The following DLG2 variants were observed in gnomAD, a reference collection of about 807,000 sequenced individuals.
DLG2 encodes discs large MAGUK scaffold protein 2, also known as disks large homolog 2.
DLG2 carries 45 observed loss-of-function variants against 132.5 expected under a neutral mutation model. That is an observed-to-expected ratio of 0.34 (90% confidence interval 0.27 to 0.44). The LOEUF is 0.44. Ranked by LOEUF, DLG2 falls within the 20% of genes least tolerant of loss-of-function variation. The pLI is 1.00. For synonymous variants in DLG2, 424 were observed against 419.6 expected (o/e 1.01, Z -0.13); for missense variants, 1,045 against 1,196.9 (o/e 0.87, Z 1.87).
At chr11:84,265,706 G>C (rs1239141924) in intron 7 of DLG2, among the ~76,000 whole-genome samples, 2 of 152,156 alleles carry the variant, frequency 1.3e-5, no homozygotes, top group Non-Finnish European at 2.9e-5. Flanking sequence ...AGTAGTAGTA[G>C]TAGTAGAGGT....
intron 17 of DLG2, among the ~76,000 whole-genome samples, chr11:83,822,687 A>G (rs1483292646): frequency 6.6e-6 from 1 of 152,206 alleles, no homozygotes; most frequent in Non-Finnish European, 1.5e-5. Flanking sequence ...CACCCTTAGT[A>G]GGAGGATTTC....
intron 18 of DLG2, among the ~76,000 whole-genome samples, chr11:83,735,961 C>A (rs906115201): frequency 1.3e-5 from 2 of 152,324 alleles, no homozygotes; most frequent in East Asian, 3.9e-4. Flanking sequence ...ATCCAGAAAA[C>A]AGGGCCTGAC....
At chr11:84,765,258 CCT>C (rs1245757674) in intron 6 of DLG2, among the ~76,000 whole-genome samples, 6 of 151,960 alleles carry the variant, frequency 3.9e-5, no homozygotes, top group Non-Finnish European at 5.9e-5. Flanking sequence ...TTATATAGTC[CCT>C]GTTTCTACAC....
At chr11:84,433,409 A>T (rs2098990728) in intron 7 of DLG2, among the ~76,000 whole-genome samples, 1 of 152,184 alleles carries the variant, frequency 6.6e-6, no homozygotes, top group African/African-American at 2.4e-5. Flanking sequence ...TAAGAGATTT[A>T]AGTTGAAACG....
intron 6 of DLG2, among the ~76,000 whole-genome samples, chr11:84,634,323 C>T (rs1346679096): frequency 2.0e-5 from 3 of 152,128 alleles, no homozygotes; most frequent in Non-Finnish European, 4.4e-5. Flanking sequence ...TTCAAAAATA[C>T]ATAACAAATA....
At chr11:84,564,480 G>A (rs562111135) in intron 6 of DLG2, among the ~76,000 whole-genome samples, 1 of 152,226 alleles carries the variant, frequency 6.6e-6, no homozygotes, top group South Asian at 2.1e-4. Context: ...TGCAAGGCAG[G>A]GGGGTTGCTT....
At position 84,584,674 on chromosome 11, in the gene DLG2, C is replaced by CT. The variant is rs71036428; in HGVS notation, c.358-49944dup. On this transcript the variant is annotated intron_variant, in intron 6 of 27. Transcript: ENST00000376104. ...AGCTGCTGTACCTGGCCCAGCATTC[C>CT]TTTTTTTTTTTTTTTTTTTTTTTTT... Among the ~76,000 whole-genome samples the CT allele has an allele frequency of 8.1e-3, 450 of 55,870 alleles. 49 individuals are homozygous for CT. Among genetic ancestry groups the CT allele is most frequent in the Non-Finnish European group, 0.012 (383 of 32,554 alleles). 36.7% of individuals were successfully genotyped at this position (55,870 alleles called of 152,430 possible).
At chr11:83,720,296 A>G in intron 18 of DLG2, among the ~76,000 whole-genome samples, 2 of 86,782 alleles carry the variant, frequency 2.3e-5, no homozygotes, top group East Asian at 2.9e-4. Context: ...CCATCTCAGA[A>G]AAAAAAAAAA....
rs75955457 is a variant in DLG2 at position 84,508,309 on chromosome 11, G to C, written c.519+26261C>G. On this transcript the variant is annotated intron_variant, in intron 7 of 27. Coordinates refer to ENST00000376104, the MANE Select transcript of DLG2 (RefSeq NM_001142699.3). ...CCTCAAGGCGTTTTTATTACCTGTTGTCTTTCATTGGTATATTCTCTCTCC... is the reference window on the plus strand; with the variant it reads ...CCTCAAGGCGTTTTTATTACCTGTTCTCTTTCATTGGTATATTCTCTCTCC... 8.0e-3 allele frequency among the ~76,000 whole-genome samples: 1,213 copies of C among 151,526 alleles called. 11 individuals carry two copies. Among genetic ancestry groups the C allele is most frequent in the Middle Eastern group, 0.031 (9 of 292 alleles).
At chr11:85,517,365 C>A (rs963602642) in intron 3 of DLG2, among the ~76,000 whole-genome samples, 2 of 152,076 alleles carry the variant, frequency 1.3e-5, no homozygotes, top group Non-Finnish European at 1.5e-5. Context: ...CCCCCTAAAA[C>A]TGAAACAAGA....
At chr11:83,696,635 AT>A (rs1199953330) in intron 18 of DLG2, among the ~76,000 whole-genome samples, 1 of 152,258 alleles carries the variant, frequency 6.6e-6, no homozygotes, top group Admixed American at 6.5e-5. Flanking sequence ...TACTATAGAT[AT>A]AATGGAAACA....
chr11:85,441,408 A>G (rs1194490735), intron 3 of DLG2, among the ~76,000 whole-genome samples: 2 of 152,068 alleles, frequency 1.3e-5, no homozygotes, highest in African/African-American at 2.4e-5. Context: ...TATATTTCCT[A>G]TGTGCTTCTT....
At chr11:84,241,612 C>G (rs77949879) in intron 8 of DLG2, among the ~76,000 whole-genome samples, 2,027 of 151,876 alleles carry the variant, frequency 0.013, 23 homozygotes, top group Non-Finnish European at 0.02. Flanking sequence ...AAAAAAAAAA[C>G]CCACCAGGAT....
intron 11 of DLG2, among the ~76,000 whole-genome samples, chr11:84,027,353 T>C (rs1464642540): frequency 6.6e-6 from 1 of 152,148 alleles, no homozygotes; most frequent in Non-Finnish European, 1.5e-5. Context: ...ACTTAGGACA[T>C]GTATCATACT....
At chr11:85,121,951 TTGTG>T (rs950292563) in intron 5 of DLG2, among the ~76,000 whole-genome samples, 3 of 151,928 alleles carry the variant, frequency 2.0e-5, no homozygotes, top group Admixed American at 6.6e-5. Context: ...CATAAGAGTG[TTGTG>T]TGTGTGTGTA....
intron 8 of DLG2, among the ~76,000 whole-genome samples, chr11:84,203,427 A>G (rs891805929): frequency 2.0e-5 from 3 of 151,910 alleles, no homozygotes; most frequent in African/African-American, 7.3e-5. Context: ...CTAAAAATAC[A>G]AAAAATTAGC....
chr11:83,474,105 G>A (rs998892738), intron 22 of DLG2, among the ~76,000 whole-genome samples: 2 of 152,084 alleles, frequency 1.3e-5, no homozygotes, highest in Non-Finnish European at 2.9e-5. Context: ...ACAGAGAGTG[G>A]ACCTTGATGC....
chr11:84,089,929 C>G (rs2097060140), intron 10 of DLG2, among the ~76,000 whole-genome samples: 1 of 152,106 alleles, frequency 6.6e-6, no homozygotes, highest in South Asian at 2.1e-4. Flanking sequence ...TGGAGGCTGT[C>G]ATGTGATAGC....
chr11:85,195,177 G>A (rs1595270581), intron 4 of DLG2, among the ~76,000 whole-genome samples: 1 of 152,184 alleles, frequency 6.6e-6, no homozygotes, highest in Non-Finnish European at 1.5e-5. Context: ...ATCATAATTA[G>A]GATGAATTGA....
Sources: allele counts gnomAD v4.1 joint callset (sites outside exome capture counted in the v4.1 genomes callset), GRCh38; gene constraint gnomAD v4.1.1; transcripts MANE v1.5; gene names NCBI Gene and HGNC (gene_info 2026-07-23, HGNC 2026-07-21).